SERINC1: variants seen among roughly 807,000 people sequenced by gnomAD.
SERINC1 encodes the protein serine incorporator 1, also known as tumor differentially expressed protein 2.
SERINC1 carries 38 observed loss-of-function variants against 52.9 expected under a neutral mutation model. The ratio of observed to expected loss-of-function variants is 0.72; its 90% CI spans 0.55 to 0.94. The LOEUF is 0.94. Ranked by LOEUF, SERINC1 falls within the 40% of genes least tolerant of loss-of-function variation. The pLI is 0.00. For synonymous variants in SERINC1, 198 were observed against 183.1 expected (o/e 1.08, Z -0.66); for missense variants, 471 against 533.9 (o/e 0.88, Z 1.16).
At chr6:122,467,397 G>C (rs1306389229) in intron 1 of SERINC1, among the ~76,000 whole-genome samples, 1 of 152,150 alleles carries the variant, frequency 6.6e-6, no homozygotes, top group Non-Finnish European at 1.5e-5. Context: ...TTGAGGCTAG[G>C]AGTTCTGAGA....
rs181686582 is a variant in SERINC1 at position 122,458,692 on chromosome 6, G to A, written c.40-11C>T. The A allele has an allele frequency of 3.9e-6, 6 of 1,545,290 alleles. No individual in the cohort carries two copies. The East Asian group carries it at 6.8e-5, about 18-fold the overall frequency. On this transcript the variant is annotated splice_polypyrimidine_tract_variant and intron_variant, in intron 1 of 9. Transcript: ENST00000339697. The stretch of plus-strand genomic sequence containing the variant: ...ACACAAACATGGTATCTGGGAAAAA[G>A]AATATTATTGAAAATATTATTAAGA...
chr6:122,471,643 C>A (rs900024102), intron 1 of SERINC1, 56 bp downstream of exon 1: 1 of 1,611,486 alleles, frequency 6.2e-7, no homozygotes, highest in Non-Finnish European at 8.5e-7. Context: ...CGGCTCGGAT[C>A]GCCTTCTCTT....
At chr6:122,447,844 G>A (rs1031452766) in intron 7 of SERINC1, among the ~76,000 whole-genome samples, 2 of 152,228 alleles carry the variant, frequency 1.3e-5, no homozygotes, top group East Asian at 3.9e-4. Flanking sequence ...GGCAAGGTGC[G>A]GTGGCTCATG....
In SERINC1 at chr6:122,445,013, C is replaced by T; in HGVS notation, c.*31G>A. On this transcript the variant is annotated 3_prime_UTR_variant, in exon 10 of 10. Coordinates refer to ENST00000339697, the MANE Select transcript of SERINC1 (RefSeq NM_020755.4). Reference sequence around the variant, plus strand: ...ATACTGTTTTCAAATAAGCAATAATCAAAGTGGGACTTTCATGCTAGAAGT... The same window carrying T: ...ATACTGTTTTCAAATAAGCAATAATTAAAGTGGGACTTTCATGCTAGAAGT... 1 of 1,597,402 alleles carries T rather than the reference C, an allele frequency of 6.3e-7. No individual in the cohort carries two copies. Among genetic ancestry groups the T allele is most frequent in the Admixed American group, 1.8e-5 (1 of 56,804 alleles).
At chr6:122,461,450 T>C (rs966454170) in intron 1 of SERINC1, among the ~76,000 whole-genome samples, 15 of 147,682 alleles carry the variant, frequency 1.0e-4, no homozygotes, top group Admixed American at 2.1e-4. Flanking sequence ...TAGGTGTGAA[T>C]TGAACAGTGA....
rs995215110 is a variant in SERINC1, at chr6:122,454,012, A to T, written c.452-105T>A. The stretch of plus-strand genomic sequence containing the variant: ...AAGGAAAATAAAATTTTATATGAAC[A>T]TCTTGATTTTGCCAACTGGGGAAAC... On this transcript the variant is annotated intron_variant, in intron 4 of 9. Transcript: ENST00000339697. 1.3e-5 allele frequency: 18 copies of T among 1,350,024 alleles called. No homozygotes were observed. In the Admixed American group the frequency reaches 3.5e-4, roughly 26 times the overall value. The allele number at this position is 1,350,024 out of a possible 1,614,324, so 83.6% of individuals were successfully genotyped here. A position where few individuals can be genotyped will look rare whatever the true frequency, so the allele number is the denominator to read the frequency against.
intron 3 of SERINC1, among the ~76,000 whole-genome samples, chr6:122,455,872 ATAATT>A (rs1463413193): frequency 3.9e-5 from 6 of 152,292 alleles, no homozygotes; most frequent in Non-Finnish European, 7.4e-5. Context: ...TAAAACTCTA[ATAATT>A]TAATAAAATA....
chr6:122,471,780 A>C lies in SERINC1; in HGVS notation c.-43T>G, dbSNP rs1007746676. Reference sequence around the variant, plus strand: ...AGCAGCGGATACAGACAAGATGGAGACAGCTTCTTTCTCGCCTTTCCGAGA... The same window carrying C: ...AGCAGCGGATACAGACAAGATGGAGCCAGCTTCTTTCTCGCCTTTCCGAGA... On this transcript the variant is annotated 5_prime_UTR_variant, in exon 1 of 10. Transcript: ENST00000339697. The C allele has an allele frequency of 3.1e-6, 5 of 1,613,182 alleles. No homozygotes were observed. Among genetic ancestry groups the C allele is most frequent in the Non-Finnish European group, 4.2e-6 (5 of 1,179,702 alleles).
chr6:122,452,730 C>A (rs974927018), intron 5 of SERINC1, among the ~76,000 whole-genome samples: 6 of 152,114 alleles, frequency 3.9e-5, no homozygotes, highest in Non-Finnish European at 8.8e-5. Context: ...CCTGGGGATA[C>A]AGCAGGGAAC....
intron 1 of SERINC1, among the ~76,000 whole-genome samples, chr6:122,466,493 C>T (rs1277961040): frequency 2.0e-5 from 3 of 152,072 alleles, no homozygotes; most frequent in Non-Finnish European, 4.4e-5. Flanking sequence ...CATAAGCACG[C>T]ACCACCACGC....
chr6:122,445,883 C>CAAAAAAAAAAA (rs71018202), intron 9 of SERINC1, among the ~76,000 whole-genome samples: 631 of 62,488 alleles, frequency 0.01, 30 homozygotes, highest in African/African-American at 0.015. Flanking sequence ...GACTCCATTT[C>CAAAAAAAAAAA]AAAAAAAAAA....
chr6:122,455,255 A>C (rs1042013898), intron 3 of SERINC1, among the ~76,000 whole-genome samples: 1 of 152,128 alleles, frequency 6.6e-6, no homozygotes, highest in Non-Finnish European at 1.5e-5. Flanking sequence ...GAAGGGTGCA[A>C]AGTACTGATG....
Position 122,447,160 on chromosome 6 carries a change from A to G in SERINC1, c.956T>C (p.Ile319Thr), listed in dbSNP as rs1306794470. 4 of 1,613,276 alleles carry G rather than the reference A, an allele frequency of 2.5e-6. No homozygotes were observed. Among genetic ancestry groups the G allele is most frequent in the Non-Finnish European group, 3.4e-6 (4 of 1,179,340 alleles). ...ACACAACAAAAAGAGAATTAGTCCT[A>G]TAATTCCTTGAGCATGCCACCACTG... ...SVQWWHAQGI[I>T]GLILFLLCVF... The change falls in exon 8 of 10, where the codon ATA becomes ACA. Residue 319 changes from isoleucine to threonine, a missense_variant. Transcript: ENST00000339697.
chr6:122,453,587 C>A (rs1031262478), intron 5 of SERINC1, among the ~76,000 whole-genome samples, 183 bp downstream of exon 5: 4 of 152,138 alleles, frequency 2.6e-5, no homozygotes, highest in Non-Finnish European at 5.9e-5. Flanking sequence ...AGTTAATCTG[C>A]TAAAAGATCT....
At chr6:122,469,529 C>T (rs938240190) in intron 1 of SERINC1, among the ~76,000 whole-genome samples, 1 of 151,270 alleles carries the variant, frequency 6.6e-6, no homozygotes, top group Non-Finnish European at 1.5e-5. Flanking sequence ...TGCGCCACCA[C>T]ATCCGGCTGA....
At chr6:122,447,087 T>C (rs765179878) in intron 8 of SERINC1, 34 bp downstream of exon 8, 2 of 1,594,896 alleles carry the variant, frequency 1.3e-6, no homozygotes, top group South Asian at 2.2e-5. Context: ...CTAGACTTCT[T>C]GTTTAAAGAA....
intron 9 of SERINC1, among the ~76,000 whole-genome samples, chr6:122,446,201 TCAC>T (rs1774797512): frequency 6.6e-6 from 1 of 151,984 alleles, no homozygotes; most frequent in African/African-American, 2.4e-5. Flanking sequence ...ACACTATAAA[TCAC>T]TATCTTCCTT....
At position 122,452,052 on chromosome 6, in the gene SERINC1, A is replaced by G; in HGVS notation, c.595T>C (p.Leu199=). The G allele has an allele frequency of 4.0e-6, 6 of 1,509,532 alleles. No homozygotes were observed. Among genetic ancestry groups the G allele is most frequent in the Non-Finnish European group, 5.3e-6 (6 of 1,130,942 alleles). 93.5% of individuals were successfully genotyped at this position (1,509,532 alleles called of 1,614,324 possible). Residue 199 remains leucine, a synonymous_variant, in exon 6 of 10, where the codon TTA becomes CTA. Coordinates refer to ENST00000339697, the MANE Select transcript of SERINC1 (RefSeq NM_020755.4). The part of the protein sequence containing the change: ...GNSRCWYAAL[L]SATALNYLLS... ...AGATAATTCAGAGCTGTAGCTGATA[A>G]CAAGGCTGTGAAAGAAATATAATTG... is the stretch of plus-strand genomic sequence containing the variant.
intron 5 of SERINC1, among the ~76,000 whole-genome samples, chr6:122,452,978 A>C (rs1438576572): frequency 6.6e-6 from 1 of 152,216 alleles, no homozygotes. Context: ...GTCATTTAGC[A>C]TGAAAATCCA....
Sources: allele counts gnomAD v4.1 joint callset (sites outside exome capture counted in the v4.1 genomes callset), GRCh38; gene constraint gnomAD v4.1.1; transcripts MANE v1.5; gene names NCBI Gene and HGNC (gene_info 2026-07-23, HGNC 2026-07-21).